Variants in KCMF1 observed in about 807,000 individuals in gnomAD.
KCMF1 encodes E3 ubiquitin-protein ligase KCMF1.
KCMF1 carries 3 observed loss-of-function variants against 41.1 expected under a neutral mutation model. That is an observed-to-expected ratio of 0.07 (90% CI 0.03 to 0.19). KCMF1 has a LOEUF of 0.19. KCMF1 is among the 10% of genes least tolerant of loss of function. KCMF1 has a pLI of 1.00. For synonymous variants in KCMF1, 142 were observed against 164.5 expected, an observed-to-expected ratio of 0.86 and a Z score of 1.04; for missense variants, 286 against 488.9, an observed-to-expected ratio of 0.58 and a Z score of 3.91.
intron 1 of KCMF1, among the ~76,000 whole-genome samples, chr2:84,974,669 A>G (rs1163260511): frequency 6.9e-5 from 2 of 28,858 alleles, no homozygotes; most frequent in Non-Finnish European, 1.3e-4. Flanking sequence ...ATATATATAT[A>G]TATATATATA....
At chr2:84,971,724 G>A (rs1673399159) in intron 1 of KCMF1, among the ~76,000 whole-genome samples, 2 of 151,176 alleles carry the variant, frequency 1.3e-5, no homozygotes, top group South Asian at 4.1e-4. Flanking sequence ...CTGTCATGGG[G>A]CGGAGGGGGA....
chr2:84,994,167 C>G (rs563479591), intron 1 of KCMF1, among the ~76,000 whole-genome samples: 49 of 152,010 alleles, frequency 3.2e-4, no homozygotes, highest in South Asian at 6.2e-4. Flanking sequence ...CCAGGATGGT[C>G]TCGATCTCCT....
intron 1 of KCMF1, among the ~76,000 whole-genome samples, chr2:85,008,295 T>TG (rs1674534140): frequency 1.1e-5 from 1 of 90,804 alleles, no homozygotes; most frequent in Non-Finnish European, 2.1e-5. Flanking sequence ...ATATAATATA[T>TG]ATAATATATA....
rs59963373 is a variant in KCMF1 at position 85,016,704 on chromosome 2, T to G, written c.17-11185T>G. Among the ~76,000 whole-genome samples, 235 of 151,984 alleles carry G rather than the reference T, an allele frequency of 1.5e-3. 3 individuals are homozygous for G. In the East Asian group the frequency reaches 0.037, roughly 24 times the overall value. Reference sequence around the variant, plus strand: ...TTATACTATAGTTTATCTTTTTTTTTTTTTTTGAGACAGAGTCTCGCTTTT... The same window carrying G: ...TTATACTATAGTTTATCTTTTTTTTGTTTTTTGAGACAGAGTCTCGCTTTT... On this transcript the variant is annotated intron_variant, in intron 1 of 6. Transcript: ENST00000409785.
chr2:85,021,618 AC>A (rs899041807), intron 1 of KCMF1, among the ~76,000 whole-genome samples: 1 of 148,822 alleles, frequency 6.7e-6, no homozygotes, highest in Non-Finnish European at 1.5e-5. Flanking sequence ...CGAGACTGTC[AC>A]AAAAAAAAAA....
chr2:84,993,188 GA>G (rs547127154), intron 1 of KCMF1, among the ~76,000 whole-genome samples: 50 of 119,542 alleles, frequency 4.2e-4, no homozygotes, highest in Admixed American at 6.8e-4. Context: ...CCCTGTGTCA[GA>G]AAAAAAAAAA....
At chr2:84,979,786 C>T (rs1574002931) in intron 1 of KCMF1, among the ~76,000 whole-genome samples, 1 of 151,740 alleles carries the variant, frequency 6.6e-6, no homozygotes, top group Admixed American at 6.6e-5. Flanking sequence ...GAAAAGAACC[C>T]GTAAGCAGTA....
intron 1 of KCMF1, 34 bp downstream of exon 1, chr2:84,971,501 C>A: frequency 8.4e-7 from 1 of 1,191,322 alleles, no homozygotes; most frequent in Non-Finnish European, 1.1e-6. Flanking sequence ...CCGCACCTCC[C>A]GGGCCTCGGC....
At chr2:85,045,011 C>T (rs191064235) in intron 4 of KCMF1, among the ~76,000 whole-genome samples, 40 of 152,264 alleles carry the variant, frequency 2.6e-4, no homozygotes, top group Admixed American at 1.1e-3. Flanking sequence ...CTTTGAAAGG[C>T]CAAGGTGGGA....
intron 1 of KCMF1, among the ~76,000 whole-genome samples, chr2:85,010,662 A>G (rs1430611348): frequency 6.6e-6 from 1 of 152,168 alleles, no homozygotes. Flanking sequence ...ACATGTGCCT[A>G]GTGGCTACCA....
At chr2:84,975,612 G>A (rs891339755) in intron 1 of KCMF1, among the ~76,000 whole-genome samples, 1 of 152,068 alleles carries the variant, frequency 6.6e-6, no homozygotes, top group Admixed American at 6.6e-5. Flanking sequence ...TCACTTTGTG[G>A]TGTTCTTGTC....
chr2:85,038,710 C>CA (rs1675458434), intron 3 of KCMF1, among the ~76,000 whole-genome samples: 1 of 151,876 alleles, frequency 6.6e-6, no homozygotes, highest in African/African-American at 2.4e-5. Flanking sequence ...TTTGGGTCAT[C>CA]ACTCTTCTGT....
chr2:84,972,082 T>A (rs1673412615), intron 1 of KCMF1: 1 of 152,100 alleles, frequency 6.6e-6, no homozygotes. Flanking sequence ...GGCGCGTCCC[T>A]GGGCTCGGGT....
chr2:85,051,515 G>T (rs1161746756), intron 6 of KCMF1, among the ~76,000 whole-genome samples: 3 of 151,954 alleles, frequency 2.0e-5, no homozygotes, highest in Non-Finnish European at 4.4e-5. Flanking sequence ...CTCAGAGCAT[G>T]GTATGAGTGA....
chr2:85,026,368 C>G (rs919252086), intron 1 of KCMF1, among the ~76,000 whole-genome samples: 11 of 151,452 alleles, frequency 7.3e-5, no homozygotes, highest in African/African-American at 2.7e-4. Flanking sequence ...AACTCCTGGC[C>G]TCAAGCAGCC....
intron 1 of KCMF1, among the ~76,000 whole-genome samples, chr2:85,009,795 T>C (rs1286945881): frequency 1.3e-5 from 2 of 152,232 alleles, no homozygotes; most frequent in Non-Finnish European, 2.9e-5. Flanking sequence ...CTTTAATGAA[T>C]AAACTTCTAC....
rs1242537647 is a variant in KCMF1, at chr2:84,986,000, CAT to C, written c.16+14537_16+14538del. 3.3e-5 allele frequency among the ~76,000 whole-genome samples: 5 copies of C among 152,230 alleles called. No homozygotes were observed. The East Asian group carries it at 9.6e-4, about 29-fold the overall frequency. On this transcript the variant is annotated intron_variant, in intron 1 of 6. Coordinates refer to ENST00000409785, the MANE Select transcript of KCMF1 (RefSeq NM_020122.5). The stretch of plus-strand genomic sequence containing the variant: ...AATAGTACTTATCACTACTTTGAAA[CAT>C]ATACTTTGTTTTCTATTCTGCTTCA...
intron 1 of KCMF1, chr2:84,972,378 G>GTA (rs945901881): frequency 3.3e-5 from 5 of 152,264 alleles, no homozygotes; most frequent in Non-Finnish European, 7.3e-5. Flanking sequence ...TAGGGTCGAT[G>GTA]TATAGGCTTT....
intron 1 of KCMF1, among the ~76,000 whole-genome samples, chr2:84,974,315 G>A (rs1488606833): frequency 1.3e-5 from 2 of 152,062 alleles, no homozygotes; most frequent in African/African-American, 4.8e-5. Context: ...ATGTGTGCAG[G>A]TAATATGTTA....
Sources: allele counts gnomAD v4.1 joint callset (sites outside exome capture counted in the v4.1 genomes callset), GRCh38; gene constraint gnomAD v4.1.1; transcripts MANE v1.5; gene names NCBI Gene and HGNC (gene_info 2026-07-23, HGNC 2026-07-21).